The following PCDH15 variants were observed in gnomAD, a reference collection of about 807,000 sequenced individuals.
PCDH15 encodes protocadherin related 15, also known as protocadherin-15.
In PCDH15, 129 loss-of-function variants were observed where a neutral mutation model predicts 178.5. The observed-to-expected ratio is 0.72, with a 90% CI of 0.63 to 0.84. The LOEUF is 0.84. Among genes scored for constraint, PCDH15 ranks in the 40% least tolerant of loss-of-function variants. PCDH15 has a pLI of 0.00. For synonymous variants in PCDH15, 800 were observed against 732.0 expected, an observed-to-expected ratio of 1.09 and a Z score of -1.50; for missense variants, 2,230 against 2,099.9, an observed-to-expected ratio of 1.06 and a Z score of -1.21.
At chr10:54,789,363 C>T (rs1264803691) in intron 1 of PCDH15, among the ~76,000 whole-genome samples, 3 of 151,788 alleles carry the variant, frequency 2.0e-5, no homozygotes, top group African/African-American at 7.2e-5. Flanking sequence ...TTATTCTTTC[C>T]TCCTGCTATG....
At chr10:54,296,379 G>A (rs1449466810) in intron 8 of PCDH15, among the ~76,000 whole-genome samples, 2 of 151,868 alleles carry the variant, frequency 1.3e-5, no homozygotes, top group Non-Finnish European at 2.9e-5. Context: ...TGACCCTGAG[G>A]CTGAGCGGAA....
chr10:54,945,836 T>A (rs1436068437), intron 2 of PCDH15, among the ~76,000 whole-genome samples: 2 of 151,826 alleles, frequency 1.3e-5, no homozygotes. Context: ...AGATTTATTT[T>A]AAAGACTGGG....
chr10:54,733,086 T>C (rs751215390), intron 1 of PCDH15, among the ~76,000 whole-genome samples: 1 of 151,576 alleles, frequency 6.6e-6, no homozygotes, highest in Non-Finnish European at 1.5e-5. Context: ...AAAGCAAGTA[T>C]ATCTCTTCCT....
rs753725514 is a variant in PCDH15 at position 53,866,837 on chromosome 10, G to T, written c.3522C>A (p.Gly1174=). ...LRVKATDKDT[G]NYSVMAYRLI... ...GTCTGTAGGCCATGACACTATAATTGCCAGTATCTTTATCAGTAGCCTAGA... is the reference window on the plus strand; with the variant it reads ...GTCTGTAGGCCATGACACTATAATTTCCAGTATCTTTATCAGTAGCCTAGA... The change falls in exon 27 of 38, where the codon GGC becomes GGA. Residue 1174 remains glycine (G), a synonymous_variant. Coordinates refer to ENST00000644397, the MANE Select transcript of PCDH15 (RefSeq NM_001384140.1). 24 of 1,610,586 alleles carry T rather than the reference G, an allele frequency of 1.5e-5. No individual in the cohort carries two copies. The Admixed American group carries it at 4.0e-4, about 27-fold the overall frequency.
intron 1 of PCDH15, among the ~76,000 whole-genome samples, chr10:55,316,556 TACA>T (rs907543230): frequency 6.6e-6 from 1 of 152,168 alleles, no homozygotes; most frequent in African/African-American, 2.4e-5. Context: ...ACAAAGTTTC[TACA>T]ACTTTTCCTG....
At chr10:54,583,444 G>C (rs2091213891) in intron 2 of PCDH15, among the ~76,000 whole-genome samples, 1 of 151,888 alleles carries the variant, frequency 6.6e-6, no homozygotes, top group Non-Finnish European at 1.5e-5. Context: ...GGTATCTCAA[G>C]GCAAGACTAG....
At chr10:54,825,436 G>A (rs1332593230) in intron 3 of PCDH15, among the ~76,000 whole-genome samples, 12 of 148,214 alleles carry the variant, frequency 8.1e-5, no homozygotes, top group Middle Eastern at 3.5e-3. Context: ...CTAGATCCCT[G>A]AGGAATCGCC....
At chr10:54,529,731 GAATT>G (rs1193375692) in intron 2 of PCDH15, among the ~76,000 whole-genome samples, 1 of 151,990 alleles carries the variant, frequency 6.6e-6, no homozygotes, top group Admixed American at 6.6e-5. Context: ...CACCTAGTGC[GAATT>G]AATTTTGATT....
intron 1 of PCDH15, among the ~76,000 whole-genome samples, chr10:54,759,426 C>A (rs1002874393): frequency 6.6e-6 from 1 of 152,066 alleles, no homozygotes; most frequent in Non-Finnish European, 1.5e-5. Context: ...TAATAAAGTT[C>A]TGTACTAATA....
chr10:55,229,143 A>C (rs554460549), intron 1 of PCDH15, among the ~76,000 whole-genome samples: 5 of 152,058 alleles, frequency 3.3e-5, no homozygotes, highest in Non-Finnish European at 7.4e-5. Flanking sequence ...CACACAATAT[A>C]GAATTCTCTC....
intron 2 of PCDH15, among the ~76,000 whole-genome samples, chr10:55,570,257 G>A (rs940377541): frequency 2.5e-4 from 38 of 152,022 alleles, no homozygotes; most frequent in Non-Finnish European, 2.9e-5. Flanking sequence ...CCAACAAGAA[G>A]TAGAAAGACA....
chr10:54,149,651 A>G (rs1474585837), intron 14 of PCDH15, among the ~76,000 whole-genome samples: 1 of 152,164 alleles, frequency 6.6e-6, no homozygotes, highest in East Asian at 1.9e-4. Flanking sequence ...ATTTATTTTA[A>G]TGATTTGCCT....
At position 54,066,900 on chromosome 10, in the gene PCDH15, C is replaced by T. The variant is rs2094146091; in HGVS notation, c.2092-15G>A. The T allele has an allele frequency of 1.2e-6, 2 of 1,611,980 alleles. No individual in the cohort carries two copies. The highest frequency in any genetic ancestry group is 1.7e-6 in the Non-Finnish European group (2 of 1,178,682). On this transcript the variant is annotated splice_polypyrimidine_tract_variant and intron_variant, in intron 17 of 37. Transcript: ENST00000644397. ...GCAGTTGAGGTCTTAAAGAAAAACA[C>T]AAGCATTAAATGTGAGAGGAGCTAT...
rs993021137 is a variant in PCDH15 at position 54,189,329 on chromosome 10, A to G, written c.1306-4061T>C. The G allele has an allele frequency of 3.2e-6, 5 of 1,555,800 alleles. No individual in the cohort carries two copies. The Admixed American group carries it at 9.2e-5, about 29-fold the overall frequency. On this transcript the variant is annotated intron_variant, in intron 11 of 37. Transcript: ENST00000644397. ...AGGAAATAAACCACAGCAATTAACAAAAGAACAATCACAAGCTTAACACCT... is the reference window on the plus strand; with the variant it reads ...AGGAAATAAACCACAGCAATTAACAGAAGAACAATCACAAGCTTAACACCT...
Position 55,218,344 on chromosome 10 carries a change from A to G in PCDH15, c.-155-51693T>C, listed in dbSNP as rs529709500. Among the ~76,000 whole-genome samples the G allele has an allele frequency of 2.6e-5, 4 of 152,146 alleles. No individual in the cohort carries two copies. In the East Asian group the frequency reaches 5.8e-4, roughly 22 times the overall value. On this transcript the variant is annotated intron_variant, in intron 1 of 5. Coordinates refer to the PCDH15 transcript ENST00000458638. ...AATACAGTAGCCACGAGTTAACGAA[A>G]TAATAGGAAGCAGATGAAAATAATA...
rs538048760 is a variant in PCDH15, at chr10:54,188,380, TA to T, written c.1306-3113del. Among the ~76,000 whole-genome samples, 394 of 152,000 alleles carry T rather than the reference TA, an allele frequency of 2.6e-3. 1 individual carries two copies. The highest frequency in any genetic ancestry group is 9.1e-3 in the African/African-American group (378 of 41,552). Reference sequence around the variant, plus strand: ...ATAATGCTCTGGCTTAATATTCCAATAGGGGTAGCAGACTTTAGGTAGCTGT... The same window carrying T: ...ATAATGCTCTGGCTTAATATTCCAATGGGGTAGCAGACTTTAGGTAGCTGT... On this transcript the variant is annotated intron_variant, in intron 11 of 37. Transcript: ENST00000644397.
At chr10:54,958,871 C>A (rs557461692) in intron 2 of PCDH15, among the ~76,000 whole-genome samples, 4 of 151,834 alleles carry the variant, frequency 2.6e-5, no homozygotes, top group African/African-American at 9.7e-5. Flanking sequence ...ATTAAAATGA[C>A]ACCTATGTTC....
chr10:55,319,930 C>G (rs930138581), upstream of PCDH15, among the ~76,000 whole-genome samples: 1 of 152,128 alleles, frequency 6.6e-6, no homozygotes, highest in African/African-American at 2.4e-5. Context: ...ACTGTTGGAT[C>G]TGAACAGAGC....
At chr10:54,765,407 T>A (rs1217514495) in intron 1 of PCDH15, among the ~76,000 whole-genome samples, 2 of 152,010 alleles carry the variant, frequency 1.3e-5, no homozygotes, top group Admixed American at 6.6e-5. Context: ...GAGAGAGCAA[T>A]CACAAATGGA....
Sources: allele counts gnomAD v4.1 joint callset (sites outside exome capture counted in the v4.1 genomes callset), GRCh38; gene constraint gnomAD v4.1.1; transcripts MANE v1.5; gene names NCBI Gene and HGNC (gene_info 2026-07-23, HGNC 2026-07-21).